Variants in PATJ observed in about 807,000 individuals in gnomAD.
PATJ encodes PATJ crumbs cell polarity complex component.
Under a neutral mutation model 224.9 loss-of-function variants are expected in PATJ, and 190 were observed. The observed-to-expected ratio is 0.84, with a 90% CI of 0.75 to 0.95. The LOEUF is 0.95. Ranked by LOEUF, PATJ falls within the 40% of genes least tolerant of loss-of-function variation. PATJ has a pLI of 0.00. For synonymous variants in PATJ, 769 were observed against 820.3 expected, an observed-to-expected ratio of 0.94 and a Z score of 1.07; for missense variants, 2,121 against 2,270.3, an observed-to-expected ratio of 0.93 and a Z score of 1.34.
intron 4 of PATJ, among the ~76,000 whole-genome samples, chr1:61,766,852 T>G (rs1360118700): frequency 6.6e-6 from 1 of 152,128 alleles, no homozygotes; most frequent in Non-Finnish European, 1.5e-5. Flanking sequence ...CATCACTTTC[T>G]GAGGCCGAGG....
chr1:62,111,627 T>C (rs1663821135), intron 34 of PATJ, among the ~76,000 whole-genome samples: 1 of 151,852 alleles, frequency 6.6e-6, no homozygotes, highest in Non-Finnish European at 1.5e-5. Context: ...GAATCAGCAC[T>C]CAAACTGAAG....
chr1:61,858,760 T>C (rs1024101050), intron 18 of PATJ, among the ~76,000 whole-genome samples: 12 of 152,222 alleles, frequency 7.9e-5, no homozygotes, highest in African/African-American at 2.7e-4. Context: ...CATATATAAA[T>C]AGATTCATGT....
chr1:62,122,262 G>A (rs1046887130), intron 38 of PATJ, among the ~76,000 whole-genome samples: 1 of 151,368 alleles, frequency 6.6e-6, no homozygotes, highest in Non-Finnish European at 1.5e-5. Context: ...CTACTTGGGA[G>A]GCTGAGGCAG....
chr1:61,912,441 A>G (rs1672794992), intron 25 of PATJ, among the ~76,000 whole-genome samples: 1 of 151,764 alleles, frequency 6.6e-6, no homozygotes. Context: ...TAAAAATAGA[A>G]AAAGTAGCTG....
chr1:62,161,158 ATTC>A lies in PATJ; in HGVS notation c.*107_*109del, dbSNP rs1669803666. On this transcript the variant is annotated 3_prime_UTR_variant, in exon 44 of 44. Transcript: ENST00000642238. ...GCACCCTCAACTAAAATGCACCTTC[ATTC>A]TTATTTCTTGCCCTCTCTGCTCAGG... is the stretch of plus-strand genomic sequence containing the variant. 1.1e-6 allele frequency: 1 copy of A among 906,656 alleles called. No individual in the cohort carries two copies. The highest frequency in any genetic ancestry group is 1.7e-5 in the African/African-American group (1 of 59,548). 56.2% of individuals were successfully genotyped at this position (906,656 alleles called of 1,614,324 possible).
intron 31 of PATJ, among the ~76,000 whole-genome samples, chr1:62,058,256 C>G (rs1654863611): frequency 6.6e-6 from 1 of 152,164 alleles, no homozygotes; most frequent in Non-Finnish European, 1.5e-5. Context: ...TGAGCTGTGA[C>G]ATGGAAATGC....
intron 14 of PATJ, among the ~76,000 whole-genome samples, chr1:61,810,646 G>A (rs886554879): frequency 1.3e-5 from 2 of 151,824 alleles, no homozygotes; most frequent in East Asian, 1.9e-4. Context: ...GTGGTGAGTC[G>A]AGATCGTGCC....
Position 61,802,064 on chromosome 1 carries a change from C to T in PATJ, c.1549+295C>T, listed in dbSNP as rs549980975. Among the ~76,000 whole-genome samples the T allele has an allele frequency of 1.5e-4, 22 of 151,606 alleles. No individual in the cohort carries two copies. The South Asian group carries it at 1.7e-3, about 11-fold the overall frequency. On this transcript the variant is annotated intron_variant, in intron 12 of 43. Transcript: ENST00000642238. ...AACTCATCATTTACATTAGGTATTT[C>T]TCCTAATGTTCTCCCTCACCACTCC...
intron 41 of PATJ, among the ~76,000 whole-genome samples, chr1:62,142,118 A>T (rs897375440): frequency 1.3e-5 from 2 of 151,688 alleles, no homozygotes; most frequent in Non-Finnish European, 2.9e-5. Flanking sequence ...GCATTTGACG[A>T]TACCTTAAAA....
chr1:61,900,054 C>T (rs891817562), intron 23 of PATJ, among the ~76,000 whole-genome samples: 4 of 152,172 alleles, frequency 2.6e-5, no homozygotes, highest in African/African-American at 7.2e-5. Flanking sequence ...GGTGGAGAGT[C>T]CACGTTTGTG....
At chr1:61,882,817 C>T (rs1035729834) in intron 21 of PATJ, among the ~76,000 whole-genome samples, 1 of 152,214 alleles carries the variant, frequency 6.6e-6, no homozygotes, top group African/African-American at 2.4e-5. Context: ...CCATCTGCCT[C>T]AGTCTCCCAG....
intron 14 of PATJ, among the ~76,000 whole-genome samples, chr1:61,815,362 T>C (rs1190029856): frequency 4.6e-5 from 7 of 152,194 alleles, no homozygotes; most frequent in Non-Finnish European, 8.8e-5. Context: ...CTGTGATATG[T>C]ATGGACTTTA....
intron 4 of PATJ, among the ~76,000 whole-genome samples, chr1:61,767,494 G>C (rs1256604851): frequency 6.6e-6 from 1 of 151,990 alleles, no homozygotes; most frequent in East Asian, 1.9e-4. Context: ...AGCTATGATC[G>C]TACCACTGTA....
intron 28 of PATJ, among the ~76,000 whole-genome samples, chr1:62,001,846 C>G (rs1038405219): frequency 1.3e-5 from 2 of 152,036 alleles, no homozygotes; most frequent in African/African-American, 2.4e-5. Flanking sequence ...TCTTTGTATC[C>G]TCTTTTATTT....
chr1:62,012,999 G>A (rs1453959878), intron 28 of PATJ, among the ~76,000 whole-genome samples: 3 of 152,326 alleles, frequency 2.0e-5, no homozygotes, highest in Non-Finnish European at 2.9e-5. Flanking sequence ...GCATGTTGCC[G>A]GGAGCAGCTG....
intron 27 of PATJ, among the ~76,000 whole-genome samples, chr1:61,961,342 C>T (rs1303981661): frequency 1.3e-5 from 2 of 152,144 alleles, no homozygotes; most frequent in Admixed American, 1.3e-4. Flanking sequence ...ACTTAGCTCT[C>T]TGACATCTTG....
At chr1:62,129,504 C>T (rs1400416210) in intron 41 of PATJ, among the ~76,000 whole-genome samples, 2 of 152,172 alleles carry the variant, frequency 1.3e-5, no homozygotes, top group East Asian at 1.9e-4. Context: ...CTGTTAATTA[C>T]CCCTGCTTAT....
At chr1:61,792,634 G>T (rs1354343336) in intron 9 of PATJ, among the ~76,000 whole-genome samples, 2 of 151,836 alleles carry the variant, frequency 1.3e-5, no homozygotes, top group African/African-American at 2.4e-5. Flanking sequence ...AGGTTCAAGA[G>T]ATTCTCCTAC....
intron 31 of PATJ, among the ~76,000 whole-genome samples, chr1:62,076,005 TA>T (rs1658240296): frequency 2.0e-5 from 3 of 152,140 alleles, no homozygotes; most frequent in African/African-American, 7.2e-5. Flanking sequence ...CAGTGGTTCT[TA>T]ACCCTGTTTT....
Sources: gnomAD v4.1 joint callset for allele counts (sites outside exome capture counted in the v4.1 genomes callset) on GRCh38, gnomAD v4.1.1 for gene constraint, MANE v1.5 for transcripts, NCBI Gene and HGNC (gene_info 2026-07-23, HGNC 2026-07-21) for gene names.